Variants in UBN1 observed in about 807,000 individuals in gnomAD.
The protein encoded by UBN1 is ubinuclein 1.
Under a neutral mutation model 108.5 loss-of-function variants are expected in UBN1, and 17 were observed. That is an observed-to-expected ratio of 0.16 (90% CI 0.11 to 0.24). The LOEUF (loss-of-function observed/expected upper bound fraction) is 0.24, where lower values mean the gene tolerates loss of function less well. Ranked by LOEUF, UBN1 falls within the 10% of genes least tolerant of loss-of-function variation. The pLI, the probability that UBN1 is intolerant of heterozygous loss-of-function variation, is 1.00. For missense variants in UBN1, 1,595 were observed against 1,394.4 expected (o/e 1.14, Z -2.29); for synonymous variants, 726 against 564.2 (o/e 1.29, Z -4.07).
intron 15 of UBN1, among the ~76,000 whole-genome samples, chr16:4,876,504 T>A (rs1011501466): frequency 1.3e-5 from 2 of 151,942 alleles, no homozygotes; most frequent in Non-Finnish European, 2.9e-5. Context: ...TATGGATATC[T>A]ATATTACATT....
intron 8 of UBN1, among the ~76,000 whole-genome samples, chr16:4,869,793 G>C: frequency 6.6e-6 from 1 of 152,038 alleles, no homozygotes; most frequent in East Asian, 1.9e-4. Context: ...GAGGGGTGAG[G>C]CTTTCCCTGA....
rs1427006025 is a variant in UBN1 at position 4,849,967 on chromosome 16, C to CAAAA, written c.-40+1757_-40+1758insAAAA. Among the ~76,000 whole-genome samples, 1,084 of 117,698 alleles carry CAAAA rather than the reference C, an allele frequency of 9.2e-3. 69 individuals carry two copies. Among genetic ancestry groups the CAAAA allele is most frequent in the African/African-American group, 0.033 (1,032 of 31,634 alleles). The allele number at this position is 117,698 out of a possible 152,430, so 77.2% of individuals were successfully genotyped here. ...TGTCTCACAAAAAAAAAAAAAAAAA[C>CAAAA]CACAAAAAAAGCTAAAATCTTTCCA... is the stretch of plus-strand genomic sequence containing the variant. On this transcript the variant is annotated intron_variant, in intron 1 of 17. Transcript: ENST00000262376.
Position 4,875,205 on chromosome 16 carries a change from G to A in UBN1, c.2795G>A (p.Ser932Asn), listed in dbSNP as rs199925917. Residue 932 changes from serine to asparagine, a missense_variant, in exon 15 of 18, where the codon AGC (serine) becomes AAC (asparagine). This residue lies in a region of UBN1 where 1,398 missense variants were observed against 1,194.7 expected (regional missense o/e 1.17). Transcript: ENST00000262376. ...GTPVQSSVSG[S>N]LVPGIQPPSV... ...CCAGTCCAGAGTTCTGTTTCTGGGA[G>A]CCTGGTCCCTGGCATACAGCCTCCC... is the stretch of plus-strand genomic sequence containing the variant. 2.5e-6 allele frequency: 4 copies of A among 1,614,228 alleles called. No homozygotes were observed. In the South Asian group the frequency reaches 3.3e-5, roughly 13 times the overall value.
rs1266622931 is a variant in UBN1 at position 4,877,350 on chromosome 16, G to A, written c.3266-35G>A. 1 of 1,595,358 alleles carries A rather than the reference G, an allele frequency of 6.3e-7. No homozygotes were observed. The highest frequency in any genetic ancestry group is 1.3e-5 in the African/African-American group (1 of 74,362). ...TCCTGTTCCTGTCTTCAATGTGTGT[G>A]TTTTGTTCTTTTCTCCCCTCCTGTT... On this transcript the variant is annotated intron_variant, in intron 16 of 17. Transcript: ENST00000262376. The surrounding 1 kb of genome is among the most constrained non-coding windows in gnomAD (Gnocchi z 4.3).
Position 4,877,200 on chromosome 16 carries a change from T to C in UBN1, c.3265+89T>C, listed in dbSNP as rs1056863878. ...TGTTGTGTACTCTGGTTCCTGTGTT[T>C]GAGTCTGGTGTGTGACTGTGGGGAA... On this transcript the variant is annotated intron_variant, in intron 16 of 17. Coordinates refer to ENST00000262376, the MANE Select transcript of UBN1 (RefSeq NM_001079514.3). This position sits in a 1 kb window ranked among gnomAD's most constrained non-coding sequence, Gnocchi z 4.3. 7 of 1,524,156 alleles carry C rather than the reference T, an allele frequency of 4.6e-6. No homozygotes were observed. The African/African-American group carries it at 9.7e-5, about 21-fold the overall frequency. The allele number at this position is 1,524,156 out of a possible 1,614,324, so 94.4% of individuals were successfully genotyped here.
At position 4,880,079 on chromosome 16, in the gene UBN1, C is replaced by T. The variant is rs1258449495; in HGVS notation, c.3356-4C>T. 1 of 1,613,866 alleles carries T rather than the reference C, an allele frequency of 6.2e-7. No homozygotes were observed. The highest frequency in any genetic ancestry group is 1.7e-5 in the Admixed American group (1 of 59,986). ...GCGTTCTAATTTTTCTTACTCTTTT[C>T]CAGGTGCTTCTCAGCTTCACGGGAA... On this transcript the variant is annotated splice_region_variant and splice_polypyrimidine_tract_variant and intron_variant, in intron 17 of 17. Coordinates refer to ENST00000262376, the MANE Select transcript of UBN1 (RefSeq NM_001079514.3).
rs2087919257 is a variant in UBN1 at position 4,877,074 on chromosome 16, C to G, written c.3228C>G (p.Gly1076=). The G allele has an allele frequency of 5.0e-6, 8 of 1,613,760 alleles. No individual in the cohort carries two copies. The highest frequency in any genetic ancestry group is 6.8e-6 in the Non-Finnish European group (8 of 1,179,806). Residue 1076 remains glycine, a synonymous_variant, in exon 16 of 18, where the codon GGC becomes GGG. Coordinates refer to ENST00000262376, the MANE Select transcript of UBN1 (RefSeq NM_001079514.3). This position sits in a 1 kb window ranked among gnomAD's most constrained non-coding sequence, Gnocchi z 4.3. ...AGVSKDAIVT[G]PAPGSFHHGL... ...TCTCCAAGGATGCCATCGTCACAGGCCCTGCCCCCGGGTCCTTCCACCATG... is the reference window on the plus strand; with the variant it reads ...TCTCCAAGGATGCCATCGTCACAGGGCCTGCCCCCGGGTCCTTCCACCATG...
At chr16:4,872,982 T>C (rs2087717273) in intron 13 of UBN1, 48 bp downstream of exon 13, 2 of 1,614,186 alleles carry the variant, frequency 1.2e-6, no homozygotes, top group Non-Finnish European at 1.7e-6. Flanking sequence ...TTGTTTTTGG[T>C]CTCCTCTGGA....
chr16:4,856,620 A>G (rs1389318302), intron 2 of UBN1, among the ~76,000 whole-genome samples: 1 of 152,194 alleles, frequency 6.6e-6, no homozygotes, highest in Admixed American at 6.5e-5. Flanking sequence ...TTTCCTGATT[A>G]GTGTTGGGAC....
chr16:4,867,152 A>G (rs1484086106), intron 7 of UBN1, among the ~76,000 whole-genome samples: 1 of 152,194 alleles, frequency 6.6e-6, no homozygotes, highest in Admixed American at 6.5e-5. Context: ...GAGCTGCTGA[A>G]GGGTTCTGAA....
intron 7 of UBN1, among the ~76,000 whole-genome samples, chr16:4,861,865 C>T (rs1474345788): frequency 1.3e-5 from 2 of 152,198 alleles, no homozygotes; most frequent in African/African-American, 4.8e-5. Flanking sequence ...TCGCTTGAAC[C>T]CAGGAGGCGG....
rs1343831930 is a variant in UBN1, at chr16:4,859,131, T to A, written c.539T>A (p.Ile180Asn). The A allele has an allele frequency of 8.1e-6, 13 of 1,613,468 alleles. No individual in the cohort carries two copies. The highest frequency in any genetic ancestry group is 1.1e-5 in the Non-Finnish European group (13 of 1,179,922). The change falls in exon 5 of 18, where the codon ATT (isoleucine) becomes AAT (asparagine). Residue 180 changes from isoleucine to asparagine, a missense_variant. Physicochemically the swap from Ile to Asn is moderately radical, Grantham distance 149 (BLOSUM62 -3). Coordinates refer to ENST00000262376, the MANE Select transcript of UBN1 (RefSeq NM_001079514.3). ...GCATCAGAGTCTGAAGATGACTTCA[T>A]TAAAGAAAAGAAGAAAAAATCTCCA... ...RQASESEDDF[I>N]KEKKKKSPKK...
chr16:4,868,279 T>G (rs2087433728), intron 7 of UBN1, among the ~76,000 whole-genome samples: 1 of 152,218 alleles, frequency 6.6e-6, no homozygotes, highest in Admixed American at 6.5e-5. Flanking sequence ...AATCTGGTGT[T>G]AATAGGTAAT....
rs779249801 is a variant in UBN1 at position 4,859,099 on chromosome 16, T to C, written c.507T>C (p.Phe169=). The part of the protein sequence containing the change: ...GFYINSGTLQ[F]RQASESEDDF... ...ACATTAACTCGGGAACCCTGCAGTT[T>C]AGACAAGCATCAGAGTCTGAAGATG... The change falls in exon 5 of 18, where the codon TTT becomes TTC. Residue 169 remains phenylalanine, a synonymous_variant. Coordinates refer to ENST00000262376, the MANE Select transcript of UBN1 (RefSeq NM_001079514.3). 8 of 1,614,086 alleles carry C rather than the reference T, an allele frequency of 5.0e-6. No individual in the cohort carries two copies. The Admixed American group carries it at 5.0e-5, about 10-fold the overall frequency.
chr16:4,872,659 G>A (rs2087703839), intron 12 of UBN1, among the ~76,000 whole-genome samples: 1 of 152,020 alleles, frequency 6.6e-6, no homozygotes, highest in Non-Finnish European at 1.5e-5. Flanking sequence ...AGTAGAGACG[G>A]GGTTTCACCA....
intron 2 of UBN1, 145 bp downstream of exon 2, chr16:4,853,311 G>A (rs1005282714): frequency 8.6e-7 from 1 of 1,159,494 alleles, no homozygotes; most frequent in Non-Finnish European, 1.2e-6. Flanking sequence ...GCAAGCACAA[G>A]ATTTGCTTCT....
At chr16:4,871,434 T>G in intron 12 of UBN1, 133 bp downstream of exon 12, 1 of 1,290,968 alleles carries the variant, frequency 7.7e-7, no homozygotes. Flanking sequence ...CTCACCTGAG[T>G]AACTGGGGGA....
In UBN1 at chr16:4,880,523, A is replaced by C. The variant is rs922317068; in HGVS notation, c.*391A>C. On this transcript the variant is annotated 3_prime_UTR_variant, in exon 18 of 18. Transcript: ENST00000262376. Reference sequence around the variant, plus strand: ...TGGTCAGAGTACCTCAGAGCACCCCACTGCTCAGGGGCTCCTTCTGGCTGC... The same window carrying C: ...TGGTCAGAGTACCTCAGAGCACCCCCCTGCTCAGGGGCTCCTTCTGGCTGC... The C allele has an allele frequency of 5.0e-6, 1 of 198,952 alleles. No homozygotes were observed. Among genetic ancestry groups the C allele is most frequent in the African/African-American group, 2.3e-5 (1 of 44,418 alleles). 12.3% of individuals were successfully genotyped at this position (198,952 alleles called of 1,614,324 possible). A position where few individuals can be genotyped will look rare whatever the true frequency, so the allele number is the denominator to read the frequency against.
chr16:4,866,755 G>A (rs569284544), intron 7 of UBN1, among the ~76,000 whole-genome samples: 3 of 152,248 alleles, frequency 2.0e-5, no homozygotes, highest in African/African-American at 7.2e-5. Context: ...CGCGTGTTCC[G>A]CCCACCTTGG....
Sources: gnomAD v4.1 joint callset for allele counts (sites outside exome capture counted in the v4.1 genomes callset) on GRCh38, gnomAD v4.1.1 for gene constraint, gnomAD v4.1.1 regional missense constraint, Gnocchi (gnomAD v3.1) non-coding constraint, MANE v1.5 for transcripts, NCBI Gene and HGNC (gene_info 2026-07-23, HGNC 2026-07-21) for gene names.